PDE6A: variants seen among roughly 807,000 people sequenced by gnomAD.
PDE6A encodes the protein phosphodiesterase 6A, also known as rod cGMP-specific 3',5'-cyclic phosphodiesterase subunit alpha.
A neutral mutation model predicts 106.3 loss-of-function variants in PDE6A; 84 were observed. That is an observed-to-expected ratio of 0.79 (90% confidence interval 0.66 to 0.95). The LOEUF (loss-of-function observed/expected upper bound fraction) is 0.95, where lower values mean the gene tolerates loss of function less well. Ranked by LOEUF, PDE6A falls within the 40% of genes least tolerant of loss-of-function variation. The probability of loss-of-function intolerance (pLI) is 0.00; values close to 1 mark genes in which losing one functional copy is unlikely to be tolerated. For missense variants in PDE6A, 1,052 were observed against 1,084.9 expected (o/e 0.97, Z 0.43); for synonymous variants, 394 against 386.6 (o/e 1.02, Z -0.23).
rs949721206 is a variant in PDE6A at position 149,898,598 on chromosome 5, T to A, written c.1264-92A>T. On this transcript the variant is annotated intron_variant, in intron 9 of 21. Transcript: ENST00000255266. ...TAGCAAGAGTCTCTAGGCCTCTGTT[T>A]TCTCAGCTATAAAATGGGTTTGATA... 1.8e-5 allele frequency: 24 copies of A among 1,344,470 alleles called. No individual in the cohort carries two copies. The African/African-American group carries it at 3.5e-4, about 20-fold the overall frequency. The allele number at this position is 1,344,470 out of a possible 1,614,324, so 83.3% of individuals were successfully genotyped here. A position where few individuals can be genotyped will look rare whatever the true frequency, so the allele number is the denominator to read the frequency against.
At chr5:149,903,164 A>AC (rs755427588) in intron 8 of PDE6A, among the ~76,000 whole-genome samples, 9,014 of 148,122 alleles carry the variant, frequency 0.061, 433 homozygotes, top group African/African-American at 0.14. Context: ...AAAAAAAAAA[A>AC]AAAACAAAAG....
intron 4 of PDE6A, 71 bp from the exon 5 acceptor site, chr5:149,921,780 C>T (rs1328358621): frequency 8.6e-7 from 1 of 1,164,850 alleles, no homozygotes; most frequent in Non-Finnish European, 1.3e-6. Context: ...GATGTCCCAC[C>T]TCCATGAGTC....
intron 19 of PDE6A, 74 bp downstream of exon 19, chr5:149,867,651 C>T: frequency 7.8e-7 from 1 of 1,287,096 alleles, no homozygotes; most frequent in South Asian, 1.2e-5. Context: ...ATCTCTCCAT[C>T]ATGGCGAGGT....
chr5:149,919,198 T>C (rs1461618362), intron 5 of PDE6A, among the ~76,000 whole-genome samples: 1 of 152,010 alleles, frequency 6.6e-6, no homozygotes. Context: ...CGAGAGTCTT[T>C]AGAAAGGTTA....
rs747987772 is a variant in PDE6A, at chr5:149,931,156, A to C, written c.730T>G (p.Ser244Ala). 6.2e-7 allele frequency: 1 copy of C among 1,613,992 alleles called. No individual in the cohort carries two copies. Among genetic ancestry groups the C allele is most frequent in the African/African-American group, 1.3e-5 (1 of 74,898 alleles). Reference sequence around the variant, plus strand: ...AGTTCTTCAAAGACTTTGCTCCCAGACCACAGCAGTATCTGAAAAAACACA... The same window carrying C: ...AGTTCTTCAAAGACTTTGCTCCCAGCCCACAGCAGTATCTGAAAAAACACA... ...ETRRGQILLW[S>A]GSKVFEELTD... Residue 244 changes from serine (S) to alanine (A), a missense_variant, in exon 4 of 22, where the codon TCT becomes GCT. This residue lies in a region of PDE6A where 913 missense variants were observed against 915.2 expected (regional missense o/e 1.00). Coordinates refer to ENST00000255266, the MANE Select transcript of PDE6A (RefSeq NM_000440.3).
At chr5:149,866,309 T>C in intron 19 of PDE6A, 56 bp from the exon 20 acceptor site, 2 of 1,207,960 alleles carry the variant, frequency 1.7e-6, no homozygotes, top group South Asian at 1.2e-5. Flanking sequence ...ACCTACCCTA[T>C]CTATGAAGCA....
At chr5:149,893,498 A>T (rs1441897903) in intron 13 of PDE6A, among the ~76,000 whole-genome samples, 4 of 152,256 alleles carry the variant, frequency 2.6e-5, no homozygotes, top group Non-Finnish European at 5.9e-5. Context: ...CATCTAAGTG[A>T]TGCCTACAAA....
chr5:149,870,839 T>A (rs1432267361), intron 17 of PDE6A, among the ~76,000 whole-genome samples: 27 of 69,802 alleles, frequency 3.9e-4, no homozygotes, highest in African/African-American at 7.0e-4. Context: ...AGGTCCAAGG[T>A]GAAAAAAGAA....
At chr5:149,898,941 G>T (rs971019390) in intron 9 of PDE6A, among the ~76,000 whole-genome samples, 1 of 152,156 alleles carries the variant, frequency 6.6e-6, no homozygotes, top group Non-Finnish European at 1.5e-5. Context: ...ATGGCTCACT[G>T]CAGCTTTGAC....
chr5:149,864,766 T>A (rs1760264365), intron 20 of PDE6A, among the ~76,000 whole-genome samples: 1 of 152,212 alleles, frequency 6.6e-6, no homozygotes, highest in African/African-American at 2.4e-5. Flanking sequence ...TGTTCAGAGA[T>A]GCCTGGGTTC....
At chr5:149,932,630 A>G (rs1754074877) in intron 3 of PDE6A, 1 of 1,613,316 alleles carries the variant, frequency 6.2e-7, no homozygotes, top group Non-Finnish European at 8.5e-7. Flanking sequence ...TGCCTTCAGT[A>G]TATTCCATTT....
chr5:149,873,222 G>A (rs1760622319), intron 17 of PDE6A, among the ~76,000 whole-genome samples: 1 of 152,138 alleles, frequency 6.6e-6, no homozygotes, highest in African/African-American at 2.4e-5. Context: ...AAAGACAAAA[G>A]TGCCTAGGAC....
At chr5:149,874,821 G>T (rs1043496152) in intron 17 of PDE6A, among the ~76,000 whole-genome samples, 2 of 152,086 alleles carry the variant, frequency 1.3e-5, no homozygotes, top group South Asian at 4.1e-4. Flanking sequence ...AACCAGGAAC[G>T]AAGACCAAAC....
Position 149,859,295 on chromosome 5 carries a change from A to G in PDE6A, c.*1600T>C, listed in dbSNP as rs577378229. The G allele has an allele frequency of 5.8e-4, 88 of 152,380 alleles. No homozygotes were observed. Among genetic ancestry groups the G allele is most frequent in the African/African-American group, 2.0e-3 (85 of 41,596 alleles). 9.4% of individuals were successfully genotyped at this position (152,380 alleles called of 1,614,324 possible). ...CAACAAAAAGAAACAACTAAATTCAATATGTGAATTTGTTTGGATCAGATT... is the reference window on the plus strand; with the variant it reads ...CAACAAAAAGAAACAACTAAATTCAGTATGTGAATTTGTTTGGATCAGATT... On this transcript the variant is annotated 3_prime_UTR_variant, in exon 22 of 22. Coordinates refer to ENST00000255266, the MANE Select transcript of PDE6A (RefSeq NM_000440.3).
chr5:149,903,147 T>TAAAAAAAAAAAAAAAAAAAAAAA (rs373566897), intron 8 of PDE6A, among the ~76,000 whole-genome samples: 5 of 90,978 alleles, frequency 5.5e-5, no homozygotes, highest in Non-Finnish European at 8.3e-5. Flanking sequence ...AGACCCTCTC[T>TAAAAAAAAAAAAAAAAAAAAAAA]AAAAAAAAAA....
chr5:149,928,231 A>ATATATATATATTTTTTTTCTTTT, intron 4 of PDE6A, among the ~76,000 whole-genome samples: 1 of 19,754 alleles, frequency 5.1e-5, no homozygotes, highest in African/African-American at 4.8e-4. Context: ...ATATATATAT[A>ATATATATATATTTTTTTTCTTTT]TTTTTTTTTT....
intron 5 of PDE6A, among the ~76,000 whole-genome samples, chr5:149,916,419 A>G (rs1753555272): frequency 1.3e-5 from 2 of 152,144 alleles, no homozygotes; most frequent in Middle Eastern, 3.4e-3. Flanking sequence ...GTGCATCTCT[A>G]TGTCATGGCC....
chr5:149,894,969 T>A (rs1238070710), intron 13 of PDE6A, among the ~76,000 whole-genome samples: 1 of 152,138 alleles, frequency 6.6e-6, no homozygotes, highest in Non-Finnish European at 1.5e-5. Flanking sequence ...CTGACTGAGG[T>A]TGGGGGTAGC....
At position 149,944,766 on chromosome 5, in the gene PDE6A, T is replaced by TGTTG; in HGVS notation, c.-94_-93insCAAC. 1.0e-6 allele frequency: 1 copy of TGTTG among 970,990 alleles called. No individual in the cohort carries two copies. The highest frequency in any genetic ancestry group is 1.6e-6 in the Non-Finnish European group (1 of 629,770). 60.1% of individuals were successfully genotyped at this position (970,990 alleles called of 1,614,324 possible). A position where few individuals can be genotyped will look rare whatever the true frequency, so the allele number is the denominator to read the frequency against. On this transcript the variant is annotated 5_prime_UTR_variant, in exon 1 of 22. It removes the in-frame stop codon of an upstream open reading frame in the 5' UTR. Transcript: ENST00000255266. ...GTCTGCAACAAGTCCAGTCTGGACT[T>TGTTG]CTCTGGGTCTTGTCTGCAAAACATA...
Sources: gnomAD v4.1 joint callset for allele counts (sites outside exome capture counted in the v4.1 genomes callset) on GRCh38, gnomAD v4.1.1 for gene constraint, gnomAD v4.1.1 regional missense constraint, MANE v1.5 for transcripts, NCBI Gene and HGNC (gene_info 2026-07-23, HGNC 2026-07-21) for gene names.